The following SNRK variants were observed in gnomAD, a reference collection of about 807,000 sequenced individuals.
The protein encoded by SNRK is SNF related kinase, also known as SNF-related serine/threonine-protein kinase.
In SNRK, 3 loss-of-function variants were observed where a neutral mutation model predicts 48.2. The observed-to-expected ratio is 0.06, with a 90% confidence interval of 0.03 to 0.16. The LOEUF (loss-of-function observed/expected upper bound fraction) is 0.16, where lower values mean the gene tolerates loss of function less well. SNRK is among the 10% of genes least tolerant of loss of function. SNRK has a pLI of 1.00. For synonymous variants in SNRK, 376 were observed against 366.1 expected (o/e 1.03, Z -0.31); for missense variants, 627 against 976.0 (o/e 0.64, Z 4.76).
intron 3 of SNRK, among the ~76,000 whole-genome samples, chr3:43,307,183 G>T (rs1244733754): frequency 1.3e-5 from 2 of 151,956 alleles, no homozygotes; most frequent in Admixed American, 6.6e-5. Flanking sequence ...ACATGGTATT[G>T]TCAAGCTATA....
intron 4 of SNRK, among the ~76,000 whole-genome samples, chr3:43,334,281 T>C (rs1345921044): frequency 1.3e-5 from 2 of 152,094 alleles, no homozygotes; most frequent in East Asian, 3.9e-4. Flanking sequence ...GGAGGCCCTG[T>C]CTCTACTAAA....
At chr3:43,346,223 A>AT (rs996704839) in intron 6 of SNRK, among the ~76,000 whole-genome samples, 2 of 151,728 alleles carry the variant, frequency 1.3e-5, no homozygotes, top group East Asian at 1.9e-4. Context: ...TCAAATTTAA[A>AT]TTTTTTTTTA....
intron 3 of SNRK, among the ~76,000 whole-genome samples, chr3:43,317,280 T>C (rs537308616): frequency 1.3e-5 from 2 of 152,280 alleles, no homozygotes; most frequent in African/African-American, 4.8e-5. Context: ...CAGGTTTTCT[T>C]TCCTTTGTTC....
chr3:43,343,344 A>T lies in SNRK; in HGVS notation c.945A>T (p.Glu315Asp). Residue 315 changes from glutamate (E) to aspartate (D), a missense_variant and splice_region_variant, in exon 6 of 7, where the codon GAA (glutamate) becomes GAT (aspartate). Glu to Asp is a conservative substitution (Grantham distance 45, BLOSUM62 2). Transcript: ENST00000296088. ...GDIADRDAIVEALETNRYNHI... is the reference protein window; with the variant it reads ...GDIADRDAIVDALETNRYNHI... ...TTTGCTCTCACCTTGTTTTCCTCAG[A>T]GCCCTGGAAACCAACAGGTATAACC... The T allele has an allele frequency of 2.5e-6, 4 of 1,605,362 alleles. No homozygotes were observed. Among genetic ancestry groups the T allele is most frequent in the East Asian group, 2.2e-5 (1 of 44,766 alleles).
At chr3:43,288,640 T>C (rs2090785805) in intron 1 of SNRK, among the ~76,000 whole-genome samples, 1 of 152,170 alleles carries the variant, frequency 6.6e-6, no homozygotes, top group South Asian at 2.1e-4. Context: ...TAAGTACTGG[T>C]ATAAATAAGA....
At position 43,347,337 on chromosome 3, in the gene SNRK, A is replaced by G; in HGVS notation, c.1080-2A>G. On this transcript the variant is annotated splice_acceptor_variant, in intron 6 of 6. Transcript: ENST00000296088. LOFTEE classifies it high-confidence loss of function. The surrounding 1 kb of genome is among the most constrained non-coding windows in gnomAD (Gnocchi z 5.4). ...TTTCCCCCCAATCTATCTGTTACAT[A>G]GGCAGTCATGGCCAACCAAAATTGA... 6.4e-7 allele frequency: 1 copy of G among 1,554,664 alleles called. No homozygotes were observed.
chr3:43,301,176 A>T (rs1015903165), intron 2 of SNRK, among the ~76,000 whole-genome samples: 12 of 152,380 alleles, frequency 7.9e-5, no homozygotes, highest in South Asian at 2.1e-4. Flanking sequence ...AAACATATTA[A>T]CATTGACTTT....
intron 4 of SNRK, among the ~76,000 whole-genome samples, chr3:43,336,004 C>A (rs1361076252): frequency 6.6e-6 from 1 of 152,022 alleles, no homozygotes; most frequent in Non-Finnish European, 1.5e-5. Context: ...CCCATCTGAT[C>A]ATTTTTGTGT....
At chr3:43,294,628 T>C (rs895800348) in intron 1 of SNRK, among the ~76,000 whole-genome samples, 14 of 152,178 alleles carry the variant, frequency 9.2e-5, no homozygotes, top group Admixed American at 7.9e-4. Context: ...GGTAGCTTGC[T>C]TGCAGTCCCA....
intron 3 of SNRK, among the ~76,000 whole-genome samples, chr3:43,321,089 A>G (rs2091050120): frequency 6.6e-6 from 1 of 152,132 alleles, no homozygotes; most frequent in Non-Finnish European, 1.5e-5. Flanking sequence ...CCTGTATCCC[A>G]TTCAAGGCTG....
In SNRK at chr3:43,323,498, C is replaced by T. The variant is rs534963511; in HGVS notation, c.590-8671C>T. On this transcript the variant is annotated intron_variant, in intron 3 of 6. Transcript: ENST00000296088. ...GAATGGAGCAATTGAAATGCTCATACATTTCTGGTGGGAATGTAAAATCGT... is the reference window on the plus strand; with the variant it reads ...GAATGGAGCAATTGAAATGCTCATATATTTCTGGTGGGAATGTAAAATCGT... 1.8e-3 allele frequency among the ~76,000 whole-genome samples: 274 copies of T among 152,310 alleles called. 1 individual carries two copies. Among genetic ancestry groups the T allele is most frequent in the African/African-American group, 6.3e-3 (260 of 41,552 alleles).
At chr3:43,319,119 G>A (rs1388935523) in intron 3 of SNRK, among the ~76,000 whole-genome samples, 1 of 152,080 alleles carries the variant, frequency 6.6e-6, no homozygotes, top group Non-Finnish European at 1.5e-5. Flanking sequence ...GGGCCAGGTG[G>A]GACTAGTTAG....
chr3:43,304,892 C>G (rs1052984085), intron 3 of SNRK, among the ~76,000 whole-genome samples: 1 of 152,018 alleles, frequency 6.6e-6, no homozygotes, highest in African/African-American at 2.4e-5. Context: ...CTACAGATAA[C>G]TAGACTTCAC....
At chr3:43,332,064 T>G (rs1045267005) in intron 3 of SNRK, 105 bp from the exon 4 acceptor site, 4 of 843,686 alleles carry the variant, frequency 4.7e-6, no homozygotes, top group Non-Finnish European at 6.6e-6. Flanking sequence ...CTTTGAGATA[T>G]AAATGCTTTT....
Position 43,340,278 on chromosome 3 carries a change from C to T in SNRK, c.732-9C>T. 1.9e-6 allele frequency: 3 copies of T among 1,612,122 alleles called. No homozygotes were observed. Among genetic ancestry groups the T allele is most frequent in the Middle Eastern group, 1.7e-4 (1 of 6,058 alleles). ...TTTGCTTTAACAATGGACTTACCTT[C>T]CTTTCCAGCCTAATCACACGGATGC... On this transcript the variant is annotated splice_polypyrimidine_tract_variant and intron_variant, in intron 4 of 6. Coordinates refer to ENST00000296088, the MANE Select transcript of SNRK (RefSeq NM_017719.5).
At chr3:43,302,983 CAATTTATT>C in intron 2 of SNRK, 107 bp from the exon 3 acceptor site, 1 of 429,292 alleles carries the variant, frequency 2.3e-6, no homozygotes, top group Non-Finnish European at 4.1e-6. Flanking sequence ...TTTTTTATCT[CAATTTATT>C]TTCTTCAAGT....
chr3:43,328,594 T>G (rs2091113566), intron 3 of SNRK, among the ~76,000 whole-genome samples: 1 of 152,158 alleles, frequency 6.6e-6, no homozygotes, highest in Non-Finnish European at 1.5e-5. Flanking sequence ...TGGAGGAATA[T>G]GGTGGATAAT....
In SNRK at chr3:43,348,064, ATGC is replaced by A; in HGVS notation, c.1808_1810del (p.Ala603del). 2 of 1,603,130 alleles carry A rather than the reference ATGC, an allele frequency of 1.2e-6. No homozygotes were observed. The highest frequency in any genetic ancestry group is 1.7e-6 in the Non-Finnish European group (2 of 1,174,562). On this transcript the variant is annotated inframe_deletion, in exon 7 of 7. Coordinates refer to ENST00000296088, the MANE Select transcript of SNRK (RefSeq NM_017719.5). ...GACAAGGCCAGCCCCAGTGAGAACAATGCTGGTGGGGGCAGTCCCTCCAGCGGC... is the reference window on the plus strand; with the variant it reads ...GACAAGGCCAGCCCCAGTGAGAACAATGGTGGGGGCAGTCCCTCCAGCGGC...
rs1046334001 is a variant in SNRK at position 43,347,469 on chromosome 3, A to T, written c.1210A>T (p.Ser404Cys). 12 of 1,613,778 alleles carry T rather than the reference A, an allele frequency of 7.4e-6. No individual in the cohort carries two copies. Among genetic ancestry groups the T allele is most frequent in the Non-Finnish European group, 1.0e-5 (12 of 1,179,982 alleles). The change falls in exon 7 of 7, where the codon AGC (serine) becomes TGC (cysteine). Residue 404 changes from serine to cysteine, a missense_variant. By Grantham distance (112) the Ser-to-Cys change is moderately radical. Coordinates refer to ENST00000296088, the MANE Select transcript of SNRK (RefSeq NM_017719.5). This position sits in a 1 kb window ranked among gnomAD's most constrained non-coding sequence, Gnocchi z 5.4. ...AADSVLNGHR[S>C]KGLCDSAKKD... The stretch of plus-strand genomic sequence containing the variant: ...TGACAGTGTCCTCAATGGCCACAGG[A>T]GCAAAGGCCTGTGTGACTCAGCTAA...
Sources: gnomAD v4.1 joint callset for allele counts (sites outside exome capture counted in the v4.1 genomes callset) on GRCh38, gnomAD v4.1.1 for gene constraint, Gnocchi (gnomAD v3.1) non-coding constraint, MANE v1.5 for transcripts, NCBI Gene and HGNC (gene_info 2026-07-23, HGNC 2026-07-21) for gene names.